Variants in RORB observed in about 807,000 individuals in gnomAD.
The protein encoded by RORB is RAR related orphan receptor B, also known as nuclear receptor ROR-beta.
In RORB, 6 loss-of-function variants were observed where a neutral mutation model predicts 59.1. That is an observed-to-expected ratio of 0.10 (90% CI 0.06 to 0.20). The LOEUF (loss-of-function observed/expected upper bound fraction) is 0.20, where lower values mean the gene tolerates loss of function less well. RORB is among the 10% of genes least tolerant of loss of function. The pLI, the probability that RORB is intolerant of heterozygous loss-of-function variation, is 1.00. For missense variants in RORB, 320 were observed against 560.5 expected, an observed-to-expected ratio of 0.57 and a Z score of 4.33; for synonymous variants, 215 against 204.5, an observed-to-expected ratio of 1.05 and a Z score of -0.44.
chr9:74,613,258 G>A (rs1823260624), intron 1 of RORB, among the ~76,000 whole-genome samples: 2 of 152,120 alleles, frequency 1.3e-5, no homozygotes, highest in Admixed American at 1.3e-4. Context: ...TCTGATTTCA[G>A]ACATGAGTAG....
Position 74,690,080 on chromosome 9 carries a change from T to C in RORB, c.*4462T>C, listed in dbSNP as rs547216943. On this transcript the variant is annotated 3_prime_UTR_variant, in exon 10 of 10. Coordinates refer to ENST00000376896, the MANE Select transcript of RORB (RefSeq NM_006914.4). The stretch of plus-strand genomic sequence containing the variant: ...AACAGCAATAACCTTAAAGTGTGCA[T>C]CTGTAGTGAAACTCTGCACAAAGTC... 1 of 152,260 alleles carries C rather than the reference T, an allele frequency of 6.6e-6. No individual in the cohort carries two copies. The highest frequency in any genetic ancestry group is 2.4e-5 in the African/African-American group (1 of 41,560). 9.4% of individuals were successfully genotyped at this position (152,260 alleles called of 1,614,324 possible). A position where few individuals can be genotyped will look rare whatever the true frequency, so the allele number is the denominator to read the frequency against.
intron 1 of RORB, among the ~76,000 whole-genome samples, chr9:74,559,320 C>T (rs1051619084): frequency 6.6e-6 from 1 of 152,090 alleles, no homozygotes; most frequent in Non-Finnish European, 1.5e-5. Context: ...AATCATTATA[C>T]CTTGCCTCCC....
chr9:74,639,048 T>C (rs967012032), intron 3 of RORB, among the ~76,000 whole-genome samples: 4 of 152,252 alleles, frequency 2.6e-5, no homozygotes, highest in African/African-American at 9.6e-5. Flanking sequence ...CAGCATACTC[T>C]TTTGACATTG....
intron 2 of RORB, among the ~76,000 whole-genome samples, chr9:74,634,031 G>A (rs949246388): frequency 6.7e-6 from 1 of 149,242 alleles, no homozygotes; most frequent in African/African-American, 2.5e-5. Context: ...CCTGCAAATA[G>A]CCACTGAACT....
chr9:74,536,280 G>T (rs1232454257), intron 1 of RORB, among the ~76,000 whole-genome samples: 1 of 152,062 alleles, frequency 6.6e-6, no homozygotes, highest in East Asian at 1.9e-4. Flanking sequence ...GTAGGATTCT[G>T]ATGATGCTGA....
intron 1 of RORB, among the ~76,000 whole-genome samples, chr9:74,507,772 T>C (rs1449257503): frequency 6.6e-6 from 1 of 151,992 alleles, no homozygotes; most frequent in African/African-American, 2.4e-5. Context: ...ACATTTCCTG[T>C]TAACTTGTAT....
intron 4 of RORB, among the ~76,000 whole-genome samples, chr9:74,648,272 G>A (rs185370255): frequency 9.8e-4 from 149 of 152,266 alleles, no homozygotes; most frequent in African/African-American, 3.4e-3. Flanking sequence ...ACCCTTTGCA[G>A]GCAATTTAGG....
intron 1 of RORB, among the ~76,000 whole-genome samples, chr9:74,518,789 G>T (rs1244568160): frequency 6.6e-6 from 1 of 151,930 alleles, no homozygotes; most frequent in Non-Finnish European, 1.5e-5. Flanking sequence ...ATGTGCCGCT[G>T]GGATGCTACC....
At chr9:74,671,527 G>A (rs780526468) in intron 8 of RORB, among the ~76,000 whole-genome samples, 16 of 152,160 alleles carry the variant, frequency 1.1e-4, no homozygotes, top group Non-Finnish European at 2.4e-4. Context: ...AATTGTCACA[G>A]ACAATAAGAA....
chr9:74,542,145 A>C (rs1826416585), intron 1 of RORB, among the ~76,000 whole-genome samples: 1 of 152,184 alleles, frequency 6.6e-6, no homozygotes, highest in African/African-American at 2.4e-5. Flanking sequence ...ATAAATTAAC[A>C]ATCAAAAATG....
At chr9:74,564,308 A>G (rs950720112) in intron 1 of RORB, among the ~76,000 whole-genome samples, 4 of 152,226 alleles carry the variant, frequency 2.6e-5, no homozygotes, top group Non-Finnish European at 1.5e-5. Flanking sequence ...GTTAATCACA[A>G]TTCATTAACT....
chr9:74,521,727 G>C (rs1446346820), intron 1 of RORB, among the ~76,000 whole-genome samples: 1 of 151,672 alleles, frequency 6.6e-6, no homozygotes, highest in Non-Finnish European at 1.5e-5. Context: ...GATTGTCACA[G>C]GTTAATTTTT....
chr9:74,570,808 A>G (rs1055024851), intron 1 of RORB, among the ~76,000 whole-genome samples: 1 of 152,088 alleles, frequency 6.6e-6, no homozygotes, highest in Non-Finnish European at 1.5e-5. Context: ...AATTCTTACT[A>G]TACCTCCGAG....
At chr9:74,525,293 A>G (rs1480842002) in intron 1 of RORB, among the ~76,000 whole-genome samples, 1 of 151,946 alleles carries the variant, frequency 6.6e-6, no homozygotes, top group Non-Finnish European at 1.5e-5. Flanking sequence ...TTGATTTTTC[A>G]TTACTAGCTA....
At chr9:74,637,058 G>A (rs561406970) in intron 3 of RORB, among the ~76,000 whole-genome samples, 70 of 152,230 alleles carry the variant, frequency 4.6e-4, no homozygotes, top group African/African-American at 1.5e-3. Flanking sequence ...TGAAAGACAC[G>A]GTTATTTCTG....
intron 1 of RORB, chr9:74,499,175 C>A (rs954668129): frequency 5.9e-5 from 9 of 152,448 alleles, no homozygotes; most frequent in African/African-American, 2.2e-4. Context: ...TGGGTCTTGA[C>A]AACAGAAAGT....
intron 1 of RORB, among the ~76,000 whole-genome samples, chr9:74,530,569 C>A (rs996614400): frequency 3.3e-5 from 5 of 151,964 alleles, no homozygotes; most frequent in African/African-American, 4.8e-5. Flanking sequence ...CAGGCAAACA[C>A]CTACGGCTTG....
At chr9:74,522,776 G>T (rs571616251) in intron 1 of RORB, among the ~76,000 whole-genome samples, 46 of 151,860 alleles carry the variant, frequency 3.0e-4, no homozygotes, top group African/African-American at 1.1e-3. Flanking sequence ...TCATTGTTTG[G>T]TGCTCCACTG....
intron 1 of RORB, among the ~76,000 whole-genome samples, chr9:74,620,630 G>A (rs1303563545): frequency 6.6e-6 from 1 of 152,062 alleles, no homozygotes; most frequent in Non-Finnish European, 1.5e-5. Context: ...TCTTTTAATT[G>A]TGATGTTAGG....
Sources: gnomAD v4.1 joint callset for allele counts (sites outside exome capture counted in the v4.1 genomes callset) on GRCh38, gnomAD v4.1.1 for gene constraint, MANE v1.5 for transcripts, NCBI Gene and HGNC (gene_info 2026-07-23, HGNC 2026-07-21) for gene names.